The following DTL variants were observed in gnomAD, a reference collection of about 807,000 sequenced individuals.
DTL encodes the protein denticleless protein homolog.
DTL carries 46 observed loss-of-function variants against 87.0 expected under a neutral mutation model. That is an observed-to-expected ratio of 0.53 (90% CI 0.42 to 0.68). DTL has a LOEUF of 0.68. Ranked by LOEUF, DTL falls within the 30% of genes least tolerant of loss-of-function variation. DTL has a pLI of 0.00. For missense variants in DTL, 737 were observed against 869.4 expected (o/e 0.85, Z 1.91); for synonymous variants, 308 against 311.2 (o/e 0.99, Z 0.11).
rs377534329 is a variant in DTL, at chr1:212,044,572, C to T, written c.179-88C>T. 6.9e-4 allele frequency: 520 copies of T among 757,394 alleles called. 10 individuals carry two copies. In the South Asian group the frequency reaches 8.7e-3, roughly 13 times the overall value. 46.9% of individuals were successfully genotyped at this position (757,394 alleles called of 1,614,324 possible). On this transcript the variant is annotated intron_variant, in intron 2 of 14. Transcript: ENST00000366991. ...TGAGCCAAACTGCACTATTGCACTC[C>T]AGTCTGGGTGACAGAGCAAGACTCC...
intron 7 of DTL, 30 bp downstream of exon 7, chr1:212,065,059 C>T (rs1363548897): frequency 7.0e-7 from 1 of 1,425,240 alleles, no homozygotes; most frequent in Non-Finnish European, 9.9e-7. Flanking sequence ...TACATGTGTG[C>T]AGATCTTATC....
At chr1:212,066,732 C>T (rs964120803) in intron 7 of DTL, 80 bp from the exon 8 acceptor site, 17 of 1,261,416 alleles carry the variant, frequency 1.3e-5, no homozygotes, top group African/African-American at 1.0e-4. Flanking sequence ...GGAGAAAAGT[C>T]GTTTTTTAGC....
Position 212,066,854 on chromosome 1 carries a change from A to C in DTL, c.682A>C (p.Asn228His), listed in dbSNP as rs1278250767. The change falls in exon 8 of 15, where the codon AAT becomes CAT. Residue 228 changes from asparagine (N) to histidine (H), a missense_variant. Coordinates refer to ENST00000366991, the MANE Select transcript of DTL (RefSeq NM_016448.4). Reference protein sequence around the residue: ...SVTVVLFQDENTLVSAGAVDG... With the variant: ...SVTVVLFQDEHTLVSAGAVDG... ...TACTGTGGTCCTCTTTCAAGACGAG[A>C]ATACCTTAGTCTCAGCAGGAGCTGT... 2 of 1,613,896 alleles carry C rather than the reference A, an allele frequency of 1.2e-6. No homozygotes were observed. The highest frequency in any genetic ancestry group is 1.7e-6 in the Non-Finnish European group (2 of 1,179,922).
At chr1:212,095,396 C>T (rs1276189929) in intron 13 of DTL, among the ~76,000 whole-genome samples, 2 of 152,070 alleles carry the variant, frequency 1.3e-5, no homozygotes, top group African/African-American at 4.8e-5. Flanking sequence ...CTCTTGTTGC[C>T]CAGGCTGGGG....
intron 1 of DTL, among the ~76,000 whole-genome samples, chr1:212,040,726 G>A (rs916868419): frequency 6.6e-6 from 1 of 152,180 alleles, no homozygotes; most frequent in African/African-American, 2.4e-5. Flanking sequence ...TCCCAACTAT[G>A]TGACAGACAC....
chr1:212,044,793 T>G (rs902747709), intron 3 of DTL, 35 bp downstream of exon 3: 2 of 1,278,486 alleles, frequency 1.6e-6, no homozygotes, highest in Non-Finnish European at 2.3e-6. Context: ...TTTTAACATT[T>G]AAAAAACTTT....
intron 1 of DTL, among the ~76,000 whole-genome samples, chr1:212,038,578 GC>G (rs1484802310): frequency 6.6e-6 from 1 of 152,132 alleles, no homozygotes; most frequent in Non-Finnish European, 1.5e-5. Context: ...TTATGATTAT[GC>G]ATCTTTACTG....
At chr1:212,053,724 T>C (rs1056613055) in intron 5 of DTL, among the ~76,000 whole-genome samples, 7 of 152,078 alleles carry the variant, frequency 4.6e-5, no homozygotes, top group African/African-American at 1.7e-4. Context: ...TAGCTGAGGC[T>C]ATAGGTGCAT....
At chr1:212,044,603 A>G (rs1412787082) in intron 2 of DTL, 57 bp from the exon 3 acceptor site, 26 of 315,082 alleles carry the variant, frequency 8.3e-5, no homozygotes, top group South Asian at 1.4e-4. Flanking sequence ...ACTCCGTCTG[A>G]AAAAAAAAAA....
At chr1:212,092,445 G>A (rs1571980990) in intron 13 of DTL, among the ~76,000 whole-genome samples, 1 of 152,030 alleles carries the variant, frequency 6.6e-6, no homozygotes, top group Non-Finnish European at 1.5e-5. Flanking sequence ...CAGGAGAATT[G>A]CTTGAACCTG....
chr1:212,070,966 G>T (rs1184027984), intron 10 of DTL, among the ~76,000 whole-genome samples: 1 of 152,178 alleles, frequency 6.6e-6, no homozygotes, highest in Non-Finnish European at 1.5e-5. Flanking sequence ...ATTCATAGTT[G>T]AGAGTTGAGG....
intron 5 of DTL, among the ~76,000 whole-genome samples, chr1:212,058,242 A>G (rs1313274747): frequency 1.3e-5 from 2 of 152,194 alleles, no homozygotes; most frequent in South Asian, 2.1e-4. Context: ...TCCAACAGCT[A>G]CAGAATACAC....
At chr1:212,051,630 A>T (rs374711752) in intron 5 of DTL, 8 of 803,610 alleles carry the variant, frequency 1.0e-5, no homozygotes, top group East Asian at 5.2e-5. Context: ...CTTTAGTTGA[A>T]CCCAGGTACC....
At chr1:212,080,470 A>C (rs544029020) in intron 12 of DTL, 145 bp from the exon 13 acceptor site, 2 of 718,776 alleles carry the variant, frequency 2.8e-6, no homozygotes, top group Admixed American at 2.6e-5. Context: ...ATGGATGTAC[A>C]TGATCTTTAA....
chr1:212,100,144 C>A, intron 13 of DTL, 108 bp from the exon 14 acceptor site: 1 of 771,746 alleles, frequency 1.3e-6, no homozygotes, highest in Non-Finnish European at 2.1e-6. Flanking sequence ...TACTTACTGG[C>A]AAATTGACCC....
intron 2 of DTL, among the ~76,000 whole-genome samples, chr1:212,043,599 G>A (rs1200102671): frequency 1.3e-5 from 2 of 151,912 alleles, no homozygotes; most frequent in Admixed American, 1.3e-4. Flanking sequence ...GGAGGCCAAG[G>A]CGGGTGGATC....
At chr1:212,078,300 G>A in intron 12 of DTL, 38 bp downstream of exon 12, 1 of 1,251,312 alleles carries the variant, frequency 8.0e-7, no homozygotes, top group Non-Finnish European at 1.2e-6. Context: ...TTAAAATGTA[G>A]ATCACAGGTT....
chr1:212,094,146 T>C (rs1655373238), intron 13 of DTL, among the ~76,000 whole-genome samples: 1 of 152,236 alleles, frequency 6.6e-6, no homozygotes, highest in South Asian at 2.1e-4. Context: ...TTGCATTTGC[T>C]TTTGGGTTCT....
chr1:212,100,787 T>C lies in DTL; in HGVS notation c.1797T>C (p.Ser599=). 6.2e-7 allele frequency: 1 copy of C among 1,614,124 alleles called. No individual in the cohort carries two copies. Among genetic ancestry groups the C allele is most frequent in the Non-Finnish European group, 8.5e-7 (1 of 1,180,022 alleles). The change falls in exon 14 of 15, where the codon AGT becomes AGC. Residue 599 remains serine (S), a synonymous_variant. Transcript: ENST00000366991. ...CCLAGNQEDL[S]KDSLGPTKSS... ...TTGCTGGTAACCAGGAAGACCTTAG[T>C]AAGGACTCTCTAGGTCCTACCAAAT...
Sources: allele counts gnomAD v4.1 joint callset (sites outside exome capture counted in the v4.1 genomes callset), GRCh38; gene constraint gnomAD v4.1.1; transcripts MANE v1.5; gene names NCBI Gene and HGNC (gene_info 2026-07-23, HGNC 2026-07-21).